Variants in SCAPER observed in about 807,000 individuals in gnomAD.
The protein encoded by SCAPER is S phase cyclin A-associated protein in the endoplasmic reticulum.
SCAPER carries 98 observed loss-of-function variants against 182.2 expected under a neutral mutation model. The observed-to-expected ratio is 0.54, with a 90% CI of 0.46 to 0.64. The LOEUF is 0.64. SCAPER is among the 30% of genes least tolerant of loss of function. SCAPER has a pLI of 0.00. For synonymous variants in SCAPER, 605 were observed against 564.6 expected (o/e 1.07, Z -1.01); for missense variants, 1,432 against 1,690.0 (o/e 0.85, Z 2.68).
intron 17 of SCAPER, among the ~76,000 whole-genome samples, chr15:76,717,545 C>T (rs1418414020): frequency 6.6e-6 from 1 of 151,968 alleles, no homozygotes; most frequent in East Asian, 1.9e-4. Context: ...GTGGGATGGA[C>T]AGTAAAAGTC....
chr15:76,769,225 G>A (rs925077600), intron 10 of SCAPER, among the ~76,000 whole-genome samples: 11 of 151,578 alleles, frequency 7.3e-5, no homozygotes, highest in African/African-American at 2.7e-4. Context: ...GGTGGATCAC[G>A]AGGTCAGGAT....
chr15:76,426,576 A>G (rs2046450110), intron 26 of SCAPER, among the ~76,000 whole-genome samples: 1 of 152,174 alleles, frequency 6.6e-6, no homozygotes, highest in Non-Finnish European at 1.5e-5. Context: ...GGGCACCAAT[A>G]AATGGAAAAA....
chr15:76,354,468 C>T lies in SCAPER; in HGVS notation c.3856-328G>A. ...CATTGCTTTAACAAAGTGCTCCCCA[C>T]ACCCCCTTAAAGCAGAGTAGTCATA... is the stretch of plus-strand genomic sequence containing the variant. On this transcript the variant is annotated intron_variant, in intron 29 of 31. Transcript: ENST00000563290. This position sits in a 1 kb window ranked among gnomAD's most constrained non-coding sequence, Gnocchi z 4.4. The T allele has an allele frequency of 3.9e-6, 1 of 255,390 alleles. No homozygotes were observed. Among genetic ancestry groups the T allele is most frequent in the Non-Finnish European group, 7.4e-6 (1 of 135,120 alleles). The allele number at this position is 255,390 out of a possible 1,614,324, so 15.8% of individuals were successfully genotyped here.
At chr15:76,691,545 AC>A (rs1266354630) in intron 20 of SCAPER, among the ~76,000 whole-genome samples, 1 of 152,136 alleles carries the variant, frequency 6.6e-6, no homozygotes, top group African/African-American at 2.4e-5. Flanking sequence ...GAATGAACTT[AC>A]TGTATTAGGA....
intron 23 of SCAPER, among the ~76,000 whole-genome samples, chr15:76,569,281 G>A (rs568935106): frequency 1.4e-4 from 21 of 152,138 alleles, no homozygotes; most frequent in Non-Finnish European, 2.1e-4. Context: ...CTTACCAAAC[G>A]CTTTCGTTGT....
intron 26 of SCAPER, among the ~76,000 whole-genome samples, chr15:76,423,410 G>A (rs1329824405): frequency 6.6e-6 from 1 of 152,216 alleles, no homozygotes; most frequent in Non-Finnish European, 1.5e-5. Context: ...TTTGCATAGA[G>A]GTGTTTATAG....
chr15:76,848,319 TG>T lies in SCAPER; in HGVS notation c.196-6389del, dbSNP rs1021661338. ...CTGGCCTAAAACATTGTGTTTTTTT[TG>T]GGGTTTTTTTTTTTTTTTTTTTTTT... is the stretch of plus-strand genomic sequence containing the variant. On this transcript the variant is annotated intron_variant, in intron 4 of 31. Coordinates refer to ENST00000563290, the MANE Select transcript of SCAPER (RefSeq NM_020843.4). Among the ~76,000 whole-genome samples, 514 of 132,424 alleles carry T rather than the reference TG, an allele frequency of 3.9e-3. 6 individuals are homozygous for T. The highest frequency in any genetic ancestry group is 5.4e-3 in the Non-Finnish European group (344 of 63,702). 86.9% of individuals were successfully genotyped at this position (132,424 alleles called of 152,430 possible). A position where few individuals can be genotyped will look rare whatever the true frequency, so the allele number is the denominator to read the frequency against.
chr15:76,853,814 A>C (rs1015666719), intron 4 of SCAPER, among the ~76,000 whole-genome samples: 4 of 152,220 alleles, frequency 2.6e-5, no homozygotes, highest in Non-Finnish European at 4.4e-5. Flanking sequence ...AAGTCCTGGC[A>C]AGAGCCATCA....
intron 21 of SCAPER, among the ~76,000 whole-genome samples, chr15:76,622,872 T>G (rs2052221398): frequency 6.6e-6 from 1 of 152,186 alleles, no homozygotes; most frequent in Non-Finnish European, 1.5e-5. Context: ...ATCCCCAATG[T>G]TGGAAGTCGG....
chr15:76,766,530 G>T (rs1041261375), intron 11 of SCAPER, among the ~76,000 whole-genome samples: 2 of 151,808 alleles, frequency 1.3e-5, no homozygotes, highest in African/African-American at 4.8e-5. Flanking sequence ...TAGAGACGGG[G>T]TTTTGCTATG....
At chr15:76,349,806 C>G (rs2040416231) in intron 31 of SCAPER, 1 of 151,794 alleles carries the variant, frequency 6.6e-6, no homozygotes, top group Non-Finnish European at 1.5e-5. Context: ...GGAAGATGGT[C>G]CCTTGGAAAA....
chr15:76,736,697 T>C (rs1440759430), intron 15 of SCAPER: 1 of 154,394 alleles, frequency 6.5e-6, no homozygotes, highest in Non-Finnish European at 1.5e-5. Flanking sequence ...CCAGGGTTGA[T>C]TCAGCTGATC....
At chr15:76,435,374 A>T (rs919311282) in intron 25 of SCAPER, among the ~76,000 whole-genome samples, 1 of 152,124 alleles carries the variant, frequency 6.6e-6, no homozygotes, top group African/African-American at 2.4e-5. Flanking sequence ...TTTTCCCTAT[A>T]TGTTGAATTT....
Position 76,733,378 on chromosome 15 carries a change from C to A in SCAPER, c.1873G>T (p.Glu625Ter). Residue 625 changes from glutamate to a stop codon, truncating the protein, a stop_gained, in exon 16 of 32, where the codon GAA (glutamate) becomes TAA (stop). Transcript: ENST00000563290. LOFTEE classifies it high-confidence loss of function. ...TCAAGGGTATTTATAAAGGCAATTTCATTTACCTTTAAAAAAACAAAGAAG... is the reference window on the plus strand; with the variant it reads ...TCAAGGGTATTTATAAAGGCAATTTAATTTACCTTTAAAAAAACAAAGAAG... ...KAQEEEAKVN[E>*]IAFINTLEAQ... The A allele has an allele frequency of 6.2e-7, 1 of 1,611,646 alleles. No homozygotes were observed. Among genetic ancestry groups the A allele is most frequent in the South Asian group, 1.1e-5 (1 of 90,924 alleles).
At chr15:76,427,445 A>C (rs2046515767) in intron 26 of SCAPER, among the ~76,000 whole-genome samples, 1 of 152,246 alleles carries the variant, frequency 6.6e-6, no homozygotes, top group African/African-American at 2.4e-5. Flanking sequence ...ACAAATGGCC[A>C]ACAGGTATAC....
chr15:76,614,459 G>A (rs1203432215), intron 22 of SCAPER, among the ~76,000 whole-genome samples: 1 of 152,130 alleles, frequency 6.6e-6, no homozygotes, highest in Non-Finnish European at 1.5e-5. Flanking sequence ...CACAAAGATA[G>A]ATGTCATACA....
intron 21 of SCAPER, among the ~76,000 whole-genome samples, chr15:76,652,558 C>CAT (rs2055255305): frequency 7.2e-6 from 1 of 138,854 alleles, no homozygotes; most frequent in Non-Finnish European, 1.6e-5. Context: ...CACACACACA[C>CAT]ACATTAGCCG....
intron 25 of SCAPER, among the ~76,000 whole-genome samples, chr15:76,468,080 TAA>T (rs531366626): frequency 3.5e-4 from 53 of 152,280 alleles, no homozygotes; most frequent in Non-Finnish European, 6.6e-4. Flanking sequence ...AGGATACTAA[TAA>T]GTCAGTGGTC....
chr15:76,584,022 T>C (rs146897103), intron 22 of SCAPER, among the ~76,000 whole-genome samples: 11 of 152,242 alleles, frequency 7.2e-5, no homozygotes, highest in Non-Finnish European at 1.0e-4. Context: ...GCAACCTAAA[T>C]GTCCATCAAG....
Sources: allele counts gnomAD v4.1 joint callset (sites outside exome capture counted in the v4.1 genomes callset), GRCh38; gene constraint gnomAD v4.1.1; non-coding constraint Gnocchi (gnomAD v3.1); transcripts MANE v1.5; gene names NCBI Gene and HGNC (gene_info 2026-07-23, HGNC 2026-07-21).